Variants in CLPB observed in about 807,000 individuals in gnomAD.
CLPB encodes the protein ClpB family mitochondrial disaggregase, also known as mitochondrial disaggregase.
CLPB carries 40 observed loss-of-function variants against 78.4 expected under a neutral mutation model. That is an observed-to-expected ratio of 0.51 (90% confidence interval 0.40 to 0.66). CLPB has a LOEUF of 0.66. CLPB is among the 30% of genes least tolerant of loss of function. CLPB has a pLI of 0.00. For synonymous variants in CLPB, 333 were observed against 348.0 expected, an observed-to-expected ratio of 0.96 and a Z score of 0.48; for missense variants, 780 against 886.9, an observed-to-expected ratio of 0.88 and a Z score of 1.53.
chr11:72,352,129 A>G (rs990583408), intron 5 of CLPB, among the ~76,000 whole-genome samples: 1 of 152,206 alleles, frequency 6.6e-6, no homozygotes, highest in South Asian at 2.1e-4. Context: ...GCAGGCATAC[A>G]GTAAGCACTC....
chr11:72,362,981 C>T (rs1296377747), intron 4 of CLPB, among the ~76,000 whole-genome samples: 1 of 152,088 alleles, frequency 6.6e-6, no homozygotes, highest in Non-Finnish European at 1.5e-5. Flanking sequence ...CATGGCGAAA[C>T]ACCAACTCTA....
At chr11:72,413,662 G>A (rs562316706) in intron 2 of CLPB, among the ~76,000 whole-genome samples, 1 of 152,208 alleles carries the variant, frequency 6.6e-6, no homozygotes, top group South Asian at 2.1e-4. Flanking sequence ...TGAAAGCCAG[G>A]ATCAATATCA....
At chr11:72,335,659 A>G (rs1950307774) in intron 5 of CLPB, among the ~76,000 whole-genome samples, 1 of 152,156 alleles carries the variant, frequency 6.6e-6, no homozygotes, top group South Asian at 2.1e-4. Context: ...TTCGGCTTCC[A>G]TCTTACTGCA....
chr11:72,310,303 C>CAGGA (rs1333297687), intron 7 of CLPB, among the ~76,000 whole-genome samples: 3 of 152,192 alleles, frequency 2.0e-5, no homozygotes, highest in Non-Finnish European at 2.9e-5. Flanking sequence ...CCAGAAAATG[C>CAGGA]TCCCTGAGAA....
At chr11:72,397,342 CA>C (rs1361094310) in intron 3 of CLPB, among the ~76,000 whole-genome samples, 24 of 152,216 alleles carry the variant, frequency 1.6e-4, no homozygotes, top group African/African-American at 5.8e-4. Context: ...TATTTACATA[CA>C]GGTATTTTTG....
chr11:72,423,139 A>T (rs1298601020), intron 2 of CLPB, among the ~76,000 whole-genome samples: 1 of 152,246 alleles, frequency 6.6e-6, no homozygotes, highest in Non-Finnish European at 1.5e-5. Context: ...GGACACCAAA[A>T]GAATCTCCTA....
intron 4 of CLPB, 48 bp from the exon 5 acceptor site, chr11:72,359,056 G>A (rs1200507794): frequency 2.7e-5 from 44 of 1,609,800 alleles, no homozygotes; most frequent in Non-Finnish European, 3.6e-5. Flanking sequence ...GACAGCATGA[G>A]CCACCAATCT....
intron 2 of CLPB, among the ~76,000 whole-genome samples, chr11:72,413,733 T>C (rs189942220): frequency 4.3e-4 from 65 of 152,314 alleles, no homozygotes; most frequent in African/African-American, 1.5e-3. Flanking sequence ...TTTCTTTGAT[T>C]TTCATGATAT....
At chr11:72,422,008 C>T (rs1856214046) in intron 2 of CLPB, among the ~76,000 whole-genome samples, 1 of 152,192 alleles carries the variant, frequency 6.6e-6, no homozygotes. Flanking sequence ...TGGCTCACGC[C>T]TGTAATCCCA....
intron 3 of CLPB, among the ~76,000 whole-genome samples, chr11:72,396,828 T>A (rs1590892682): frequency 6.6e-6 from 1 of 152,338 alleles, no homozygotes; most frequent in Middle Eastern, 3.4e-3. Flanking sequence ...TTGATACTAC[T>A]AATACAAATT....
intron 4 of CLPB, among the ~76,000 whole-genome samples, chr11:72,362,491 T>C (rs538013476): frequency 6.6e-6 from 1 of 152,260 alleles, no homozygotes; most frequent in African/African-American, 2.4e-5. Flanking sequence ...ATCTTTGGTT[T>C]TGGAATAATA....
chr11:72,396,450 G>A (rs1002753146), intron 3 of CLPB, among the ~76,000 whole-genome samples: 3 of 152,154 alleles, frequency 2.0e-5, no homozygotes, highest in Non-Finnish European at 4.4e-5. Context: ...TCCCTTTTCA[G>A]GATCTTTGGT....
In CLPB at chr11:72,372,991, G is replaced by A. The variant is rs149056885; in HGVS notation, c.646+7290C>T. On this transcript the variant is annotated intron_variant, in intron 4 of 15. Coordinates refer to ENST00000538039, the MANE Select transcript of CLPB (RefSeq NM_001258392.3). ...CTTGTCCACTGGTTTGTGATGTGCCGGCTTGCACCGTCCTGTCCCCCATCT... is the reference window on the plus strand; with the variant it reads ...CTTGTCCACTGGTTTGTGATGTGCCAGCTTGCACCGTCCTGTCCCCCATCT... The A allele has an allele frequency of 5.5e-5, 88 of 1,613,916 alleles. No homozygotes were observed. The highest frequency in any genetic ancestry group is 7.0e-5 in the Non-Finnish European group (83 of 1,179,998).
At chr11:72,347,091 T>A (rs1041596146) in intron 5 of CLPB, among the ~76,000 whole-genome samples, 1 of 151,494 alleles carries the variant, frequency 6.6e-6, no homozygotes, top group African/African-American at 2.4e-5. Flanking sequence ...TGCCAAGTGC[T>A]AACTGGTCAA....
At chr11:72,337,085 G>T (rs1950335619) in intron 5 of CLPB, 1 of 398,540 alleles carries the variant, frequency 2.5e-6, no homozygotes, top group Non-Finnish European at 4.4e-6. Flanking sequence ...TATGTATGGG[G>T]CTACTCAAGT....
intron 5 of CLPB, among the ~76,000 whole-genome samples, chr11:72,356,701 C>T (rs573331926): frequency 7.2e-5 from 11 of 152,318 alleles, no homozygotes; most frequent in African/African-American, 2.6e-4. Context: ...GCCCCTGGAA[C>T]GGCTCAAAGG....
intron 9 of CLPB, among the ~76,000 whole-genome samples, chr11:72,304,425 G>A (rs1477193358): frequency 6.6e-6 from 1 of 152,112 alleles, no homozygotes; most frequent in Non-Finnish European, 1.5e-5. Flanking sequence ...CCAAGCAGCT[G>A]GACTCAGATA....
chr11:72,411,819 T>G (rs1273815167), intron 2 of CLPB: 3 of 152,248 alleles, frequency 2.0e-5, no homozygotes, highest in Non-Finnish European at 4.4e-5. Flanking sequence ...ATCCTTCACA[T>G]GAACCAGCCC....
chr11:72,295,824 CTGCTG>C (rs1382833773), intron 11 of CLPB, among the ~76,000 whole-genome samples, 176 bp from the exon 12 acceptor site: 1 of 152,242 alleles, frequency 6.6e-6, no homozygotes, highest in Non-Finnish European at 1.5e-5. Flanking sequence ...TGCACCTTGG[CTGCTG>C]TGCTCACCGC....
Sources: allele counts gnomAD v4.1 joint callset (sites outside exome capture counted in the v4.1 genomes callset), GRCh38; gene constraint gnomAD v4.1.1; transcripts MANE v1.5; gene names NCBI Gene and HGNC (gene_info 2026-07-23, HGNC 2026-07-21).